Variants in ADAM12 observed in about 807,000 individuals in gnomAD.
The protein encoded by ADAM12 is disintegrin and metalloproteinase domain-containing protein 12.
In ADAM12, 70 loss-of-function variants were observed where a neutral mutation model predicts 106.4. The ratio of observed to expected loss-of-function variants is 0.66; its 90% CI spans 0.54 to 0.80. The LOEUF is 0.80. Among genes scored for constraint, ADAM12 ranks in the 30% least tolerant of loss-of-function variants. ADAM12 has a pLI of 0.00. For synonymous variants in ADAM12, 420 were observed against 433.5 expected (o/e 0.97, Z 0.39); for missense variants, 1,010 against 1,171.9 (o/e 0.86, Z 2.02).
chr10:126,026,215 T>C (rs1430824604), intron 21 of ADAM12, among the ~76,000 whole-genome samples: 1 of 152,058 alleles, frequency 6.6e-6, no homozygotes, highest in Non-Finnish European at 1.5e-5. Flanking sequence ...CAAAACAGAC[T>C]TTAAACCAAC....
intron 3 of ADAM12, among the ~76,000 whole-genome samples, chr10:126,174,801 G>A (rs1230937436): frequency 6.6e-6 from 1 of 150,880 alleles, no homozygotes; most frequent in East Asian, 2.0e-4. Context: ...CACCCAGGCT[G>A]GAGTGCAGTG....
At chr10:126,113,386 G>A (rs116720317) in intron 6 of ADAM12, among the ~76,000 whole-genome samples, 2,976 of 151,858 alleles carry the variant, frequency 0.02, 102 homozygotes, top group African/African-American at 0.069. Context: ...GCAACTGGGC[G>A]TGGTGGCTTA....
intron 1 of ADAM12, among the ~76,000 whole-genome samples, chr10:126,387,524 G>A (rs1296971503): frequency 6.6e-6 from 1 of 152,120 alleles, no homozygotes; most frequent in East Asian, 1.9e-4. Context: ...GTCAGTTTAT[G>A]AAAATAGAGC....
intron 3 of ADAM12, among the ~76,000 whole-genome samples, chr10:126,166,789 T>C (rs796069612): frequency 2.0e-5 from 3 of 152,304 alleles, no homozygotes; most frequent in Admixed American, 6.5e-5. Flanking sequence ...GGCCTCAGGC[T>C]GTTTTTAATG....
intron 3 of ADAM12, among the ~76,000 whole-genome samples, chr10:126,178,390 G>A (rs977425863): frequency 7.1e-6 from 1 of 140,078 alleles, no homozygotes; most frequent in Non-Finnish European, 1.5e-5. Context: ...GCTTACCTTA[G>A]TCCTCATTGG....
rs540643888 is a variant in ADAM12 at position 126,021,781 on chromosome 10, A to G, written c.2530-1956T>C. Among the ~76,000 whole-genome samples, 18 of 152,316 alleles carry G rather than the reference A, an allele frequency of 1.2e-4. No homozygotes were observed. The South Asian group carries it at 3.7e-3, about 32-fold the overall frequency. On this transcript the variant is annotated intron_variant, in intron 21 of 22. Coordinates refer to ENST00000448723, the MANE Select transcript of ADAM12 (RefSeq NM_001288973.2). ...AATGAGATATTGAGGCTCCTAGCAC[A>G]GGGCCTGGCATGCAATATAACCCAT... is the stretch of plus-strand genomic sequence containing the variant.
intron 2 of ADAM12, among the ~76,000 whole-genome samples, chr10:126,294,060 A>C (rs1298385714): frequency 1.3e-5 from 2 of 152,232 alleles, no homozygotes; most frequent in African/African-American, 4.8e-5. Flanking sequence ...TTGTATATAG[A>C]AAGTATGAAA....
chr10:126,083,467 G>A (rs1341899790), intron 11 of ADAM12, among the ~76,000 whole-genome samples: 2 of 152,234 alleles, frequency 1.3e-5, no homozygotes, highest in African/African-American at 4.8e-5. Flanking sequence ...AGTATCCATG[G>A]GTTGGGAGAG....
At chr10:126,321,904 T>TGGGGGGG (rs371286030) in intron 2 of ADAM12, among the ~76,000 whole-genome samples, 1 of 88,702 alleles carries the variant, frequency 1.1e-5, no homozygotes, top group Admixed American at 1.2e-4. Flanking sequence ...TACCTGGGGG[T>TGGGGGGG]CGGGGGGGGG....
intron 3 of ADAM12, among the ~76,000 whole-genome samples, chr10:126,231,211 T>C (rs1178349516): frequency 2.6e-5 from 4 of 152,168 alleles, no homozygotes; most frequent in Admixed American, 1.3e-4. Flanking sequence ...TTTGCCAGAA[T>C]AGTACAGCCC....
chr10:126,151,349 A>C (rs1398942971), intron 4 of ADAM12, among the ~76,000 whole-genome samples: 1 of 152,236 alleles, frequency 6.6e-6, no homozygotes, highest in Non-Finnish European at 1.5e-5. Flanking sequence ...ATAGGTTATC[A>C]CAGAAGAAAT....
chr10:126,097,276 C>A (rs1316703716), intron 10 of ADAM12, among the ~76,000 whole-genome samples: 1 of 152,172 alleles, frequency 6.6e-6, no homozygotes, highest in Non-Finnish European at 1.5e-5. Flanking sequence ...TTGCCAAGGA[C>A]CTGCCATGGT....
intron 21 of ADAM12, among the ~76,000 whole-genome samples, chr10:126,024,926 G>A (rs1466922943): frequency 6.6e-6 from 1 of 151,908 alleles, no homozygotes; most frequent in Non-Finnish European, 1.5e-5. Context: ...ACCATGGGAA[G>A]TGGTACAAGA....
chr10:126,282,958 T>C (rs893971950), intron 2 of ADAM12, among the ~76,000 whole-genome samples: 1 of 152,040 alleles, frequency 6.6e-6, no homozygotes, highest in Non-Finnish European at 1.5e-5. Flanking sequence ...TTGTAATACA[T>C]AATGAAATAC....
intron 3 of ADAM12, among the ~76,000 whole-genome samples, chr10:126,158,134 C>T (rs12778908): frequency 0.63 from 95,749 of 151,766 alleles, 31,464 homozygotes; most frequent in East Asian, 0.76. Flanking sequence ...AGGGATGGGG[C>T]TGAGAGGGGA....
rs113375191 is a variant in ADAM12 at position 126,224,378 on chromosome 10, T to C, written c.260+54537A>G. Among the ~76,000 whole-genome samples, 936 of 152,304 alleles carry C rather than the reference T, an allele frequency of 6.1e-3. 14 individuals are homozygous for C. The highest frequency in any genetic ancestry group is 0.022 in the African/African-American group (894 of 41,566). ...TGGGCATCTCCTTCCACCAGGGCCC[T>C]GTCTTGCCTTCCTGGAGCTGGGAGC... On this transcript the variant is annotated intron_variant, in intron 3 of 22. Transcript: ENST00000448723.
intron 3 of ADAM12, among the ~76,000 whole-genome samples, chr10:126,181,210 T>C (rs1957306062): frequency 1.3e-5 from 2 of 152,112 alleles, no homozygotes; most frequent in Admixed American, 1.3e-4. Context: ...TAGCTAGGAC[T>C]ACAGGCACAT....
At chr10:126,166,095 A>G (rs1398206687) in intron 3 of ADAM12, among the ~76,000 whole-genome samples, 1 of 152,234 alleles carries the variant, frequency 6.6e-6, no homozygotes, top group Non-Finnish European at 1.5e-5. Flanking sequence ...AGGGGACAAC[A>G]AAGTTTCCTG....
chr10:126,217,260 GT>G (rs960069020), intron 3 of ADAM12, among the ~76,000 whole-genome samples: 18 of 151,824 alleles, frequency 1.2e-4, no homozygotes, highest in African/African-American at 4.4e-4. Flanking sequence ...GAGAGCAAAG[GT>G]TACTGAGAAA....
Sources: allele counts gnomAD v4.1 joint callset (sites outside exome capture counted in the v4.1 genomes callset), GRCh38; gene constraint gnomAD v4.1.1; transcripts MANE v1.5; gene names NCBI Gene and HGNC (gene_info 2026-07-23, HGNC 2026-07-21).